Variants in DMD observed in about 807,000 individuals in gnomAD.
DMD encodes dystrophin.
A neutral mutation model predicts 330.1 loss-of-function variants in DMD; 63 were observed. The observed-to-expected ratio is 0.19, with a 90% CI of 0.16 to 0.24. The LOEUF is 0.24. DMD is among the 10% of genes least tolerant of loss of function. The pLI, the probability that DMD is intolerant of heterozygous loss-of-function variation, is 1.00. For missense variants in DMD, 3,344 were observed against 2,684.1 expected, an observed-to-expected ratio of 1.25 and a Z score of -5.43; for synonymous variants, 1,223 against 959.8, an observed-to-expected ratio of 1.27 and a Z score of -5.07.
At chrX:32,005,443 C>G (rs1023235401) in intron 44 of DMD, among the ~76,000 whole-genome samples, 1 of 110,710 alleles carries the variant, frequency 9.0e-6, no homozygotes, top group African/African-American at 3.3e-5. Context: ...TTGATGAATT[C>G]TTTCTTGGGA....
chrX:33,075,715 A>G (rs146789696), intron 1 of DMD, among the ~76,000 whole-genome samples: 23 of 112,257 alleles, frequency 2.0e-4, no homozygotes, highest in African/African-American at 6.8e-4. Flanking sequence ...TTGCAAAATT[A>G]TAACTGAAAT....
intron 60 of DMD, among the ~76,000 whole-genome samples, chrX:31,362,999 A>C (rs1326184090): frequency 8.9e-6 from 1 of 112,231 alleles, no homozygotes; most frequent in Admixed American, 9.4e-5. Context: ...AAACTTCCAG[A>C]GTAAACAAAT....
chrX:32,774,031 C>T (rs1366667946), intron 7 of DMD, among the ~76,000 whole-genome samples: 2 of 110,885 alleles, frequency 1.8e-5, no homozygotes, highest in African/African-American at 3.3e-5. Context: ...ATAGGAAAGT[C>T]GGTTTAAGAT....
chrX:31,600,502 C>T (rs1603418306), intron 55 of DMD, among the ~76,000 whole-genome samples: 1 of 102,401 alleles, frequency 9.8e-6, no homozygotes, highest in South Asian at 4.5e-4. Context: ...ACAAGCATGC[C>T]AACTATGGTT....
At chrX:32,238,024 A>G (rs1310897631) in intron 43 of DMD, among the ~76,000 whole-genome samples, 2 of 112,021 alleles carry the variant, frequency 1.8e-5, no homozygotes, top group African/African-American at 6.5e-5. Flanking sequence ...CACTTGGTAG[A>G]GTATATTTTT....
At chrX:31,882,347 A>G (rs900849928) in intron 47 of DMD, among the ~76,000 whole-genome samples, 43 of 111,981 alleles carry the variant, frequency 3.8e-4, no homozygotes, top group African/African-American at 1.1e-3. Context: ...TAGTCATTTG[A>G]AAAACATGAA....
chrX:31,197,412 AC>A (rs1356194699), intron 67 of DMD, among the ~76,000 whole-genome samples: 4 of 110,084 alleles, frequency 3.6e-5, no homozygotes, highest in Non-Finnish European at 7.6e-5. Flanking sequence ...TTTCAAAATA[AC>A]TAAAAGAGTA....
chrX:32,024,939 G>C (rs1169780093), intron 44 of DMD, among the ~76,000 whole-genome samples: 1 of 111,609 alleles, frequency 9.0e-6, no homozygotes, highest in African/African-American at 3.3e-5. Flanking sequence ...TATCTTTTTG[G>C]TTGCAAAGTT....
chrX:32,119,088 G>T (rs1179046082), intron 44 of DMD, among the ~76,000 whole-genome samples: 1 of 110,851 alleles, frequency 9.0e-6, no homozygotes, highest in Non-Finnish European at 1.9e-5. Context: ...AGTGTTAAAA[G>T]CCAAAGGAAA....
chrX:31,837,594 T>C (rs1392649937), intron 48 of DMD, among the ~76,000 whole-genome samples: 5 of 111,552 alleles, frequency 4.5e-5, no homozygotes, highest in Non-Finnish European at 1.9e-5. Flanking sequence ...GGATAGAGTA[T>C]CAATTAATCA....
At chrX:32,830,027 G>A (rs1362849023) in intron 4 of DMD, among the ~76,000 whole-genome samples, 3 of 111,566 alleles carry the variant, frequency 2.7e-5, no homozygotes, top group East Asian at 2.8e-4. Flanking sequence ...CTACCAAGGA[G>A]TGTAAGAAAT....
intron 29 of DMD, among the ~76,000 whole-genome samples, chrX:32,416,979 C>G (rs2098168445): frequency 9.0e-6 from 1 of 111,731 alleles, no homozygotes; most frequent in African/African-American, 3.3e-5. Flanking sequence ...GTTCAAGTGC[C>G]AAGTACTAAG....
intron 23 of DMD, among the ~76,000 whole-genome samples, chrX:32,466,673 G>C (rs1174289402): frequency 9.0e-6 from 1 of 111,409 alleles, no homozygotes; most frequent in Non-Finnish European, 1.9e-5. Context: ...GAGGTAGAAA[G>C]AGAGGGAGAG....
At chrX:32,554,817 GGAGGGAGGGGGAGGGAGAGAGA>G (rs1262917340) in intron 16 of DMD, among the ~76,000 whole-genome samples, 2,144 of 49,906 alleles carry the variant, frequency 0.043, 260 homozygotes, top group African/African-American at 0.13. Context: ...AGGGAGGGAG[GGAGGGAGGGGGAGGGAGAGAGA>G]GAGAGAGAGA....
At chrX:31,611,205 G>C (rs188556098) in intron 55 of DMD, among the ~76,000 whole-genome samples, 1 of 109,198 alleles carries the variant, frequency 9.2e-6, no homozygotes, top group African/African-American at 3.3e-5. Flanking sequence ...CAGATTCCAC[G>C]ACCCATCCCC....
In DMD at chrX:32,595,777, C is replaced by T. The variant is rs201067368; in HGVS notation, c.1582G>A (p.Ala528Thr). 14 of 1,209,242 alleles carry T rather than the reference C, an allele frequency of 1.2e-5. No individual in the cohort carries two copies. The East Asian group carries it at 3.3e-4, about 28-fold the overall frequency. ...CTGACCTTAAGTTGTTCTTCCAAAG[C>T]AGCAGTTGCGTGATCTCCACTAGAT... Reference protein sequence around the residue: ...DESSGDHATAALEEQLKVLGD... With the variant: ...DESSGDHATATLEEQLKVLGD... Residue 528 changes from alanine to threonine, a missense_variant, in exon 13 of 79, where the codon GCT becomes ACT. Ala to Thr is a moderately conservative substitution (Grantham distance 58). Coordinates refer to ENST00000357033, the MANE Select transcript of DMD (RefSeq NM_004006.3).
At chrX:32,488,637 G>A (rs1406861241) in intron 20 of DMD, among the ~76,000 whole-genome samples, 3 of 111,611 alleles carry the variant, frequency 2.7e-5, no homozygotes, top group Non-Finnish European at 5.6e-5. Flanking sequence ...AGAGTAAGGG[G>A]TGATAAGGAG....
chrX:31,721,684 CACTCTCT>C (rs2085509439), intron 52 of DMD, among the ~76,000 whole-genome samples: 1 of 68,528 alleles, frequency 1.5e-5, no homozygotes, highest in African/African-American at 5.0e-5. Flanking sequence ...CTCTCTCTCT[CACTCTCT>C]CTCTCTCTCT....
intron 11 of DMD, chrX:32,641,432 A>ATC (rs2059449609): frequency 8.5e-6 from 1 of 117,040 alleles, no homozygotes; most frequent in Admixed American, 1.1e-4. Context: ...ATATATATAT[A>ATC]TATATCTCAC....
Sources: allele counts gnomAD v4.1 joint callset (sites outside exome capture counted in the v4.1 genomes callset), GRCh38; gene constraint gnomAD v4.1.1; transcripts MANE v1.5; gene names NCBI Gene and HGNC (gene_info 2026-07-23, HGNC 2026-07-21).